The following BRMS1L variants were observed in gnomAD, a reference collection of about 807,000 sequenced individuals.
The protein encoded by BRMS1L is BRMS1 like transcriptional repressor.
A neutral mutation model predicts 50.3 loss-of-function variants in BRMS1L; 23 were observed. That is an observed-to-expected ratio of 0.46 (90% CI 0.33 to 0.65). The LOEUF (loss-of-function observed/expected upper bound fraction) is 0.65. Among genes scored for constraint, BRMS1L ranks in the 30% least tolerant of loss-of-function variants. The pLI, the probability that BRMS1L is intolerant of heterozygous loss-of-function variation, is 0.02. For missense variants in BRMS1L, 286 were observed against 386.1 expected, an observed-to-expected ratio of 0.74 and a Z score of 2.17; for synonymous variants, 114 against 126.9, an observed-to-expected ratio of 0.90 and a Z score of 0.69.
Position 35,826,338 on chromosome 14 carries a change from A to T in BRMS1L, c.-179A>T. 1.1e-6 allele frequency: 1 copy of T among 889,864 alleles called. No homozygotes were observed. The highest frequency in any genetic ancestry group is 1.7e-6 in the Non-Finnish European group (1 of 597,172). The allele number at this position is 889,864 out of a possible 1,614,324, so 55.1% of individuals were successfully genotyped here. On this transcript the variant is annotated 5_prime_UTR_variant, in exon 1 of 10. Coordinates refer to ENST00000216807, the MANE Select transcript of BRMS1L (RefSeq NM_032352.4). ...TCGGTGGAAGGCCTCCGCCAATGGC[A>T]GAGCTCCCATCGCAGAGCCTGCGGG... is the stretch of plus-strand genomic sequence containing the variant.
chr14:35,837,386 A>T (rs1053101138), intron 4 of BRMS1L, among the ~76,000 whole-genome samples: 6 of 152,326 alleles, frequency 3.9e-5, no homozygotes, highest in Non-Finnish European at 7.3e-5. Context: ...TGTATATCAA[A>T]TGCCCATATA....
At chr14:35,844,168 C>A (rs915172160) in intron 4 of BRMS1L, among the ~76,000 whole-genome samples, 1 of 152,164 alleles carries the variant, frequency 6.6e-6, no homozygotes, top group Non-Finnish European at 1.5e-5. Context: ...GGCTCCATGG[C>A]TTCAGCCTCT....
At chr14:35,844,305 G>A (rs915263520) in intron 4 of BRMS1L, among the ~76,000 whole-genome samples, 5 of 152,166 alleles carry the variant, frequency 3.3e-5, no homozygotes, top group African/African-American at 1.2e-4. Context: ...GAAACCCAGG[G>A]CCCTGGTGAC....
chr14:35,831,733 A>G (rs896592239), intron 2 of BRMS1L, among the ~76,000 whole-genome samples: 5 of 152,108 alleles, frequency 3.3e-5, no homozygotes, highest in African/African-American at 4.8e-5. Context: ...CAGCCTGGGC[A>G]ACATCGGAAG....
intron 4 of BRMS1L, among the ~76,000 whole-genome samples, chr14:35,842,466 G>A (rs931511940): frequency 3.9e-5 from 6 of 152,144 alleles, no homozygotes; most frequent in Admixed American, 1.3e-4. Context: ...GAAATTCTGG[G>A]TTGAAAATTC....
intron 1 of BRMS1L, among the ~76,000 whole-genome samples, chr14:35,828,221 G>A (rs2077869953): frequency 6.6e-6 from 1 of 151,990 alleles, no homozygotes; most frequent in African/African-American, 2.4e-5. Context: ...TGCCCAGGCT[G>A]GAGTGTAATG....
intron 4 of BRMS1L, among the ~76,000 whole-genome samples, chr14:35,838,516 C>A (rs1444316654): frequency 6.6e-6 from 1 of 152,150 alleles, no homozygotes; most frequent in African/African-American, 2.4e-5. Context: ...CCTATTTCTC[C>A]ACATCCTCTC....
At chr14:35,827,871 G>T (rs1435294834) in intron 1 of BRMS1L, among the ~76,000 whole-genome samples, 2 of 152,182 alleles carry the variant, frequency 1.3e-5, no homozygotes, top group Non-Finnish European at 2.9e-5. Flanking sequence ...TTGGTTTGGG[G>T]TGGTGGGTAT....
At chr14:35,847,392 C>G (rs1399293022) in intron 4 of BRMS1L, among the ~76,000 whole-genome samples, 2 of 152,110 alleles carry the variant, frequency 1.3e-5, no homozygotes, top group Non-Finnish European at 2.9e-5. Context: ...GCCACAAACT[C>G]GAGCTCAAAT....
chr14:35,828,253 A>G (rs1212754922), intron 1 of BRMS1L, among the ~76,000 whole-genome samples: 1 of 151,868 alleles, frequency 6.6e-6, no homozygotes, highest in Admixed American at 6.6e-5. Flanking sequence ...GCTCACTGCA[A>G]CCTCCGCCTC....
chr14:35,837,031 GCTAT>G (rs201404354), intron 4 of BRMS1L, among the ~76,000 whole-genome samples: 3,442 of 151,690 alleles, frequency 0.023, 128 homozygotes, highest in African/African-American at 0.078. Flanking sequence ...TCATGATTTG[GCTAT>G]CTGTTTGTCA....
Position 35,848,686 on chromosome 14 carries a change from C to A in BRMS1L, c.441+13763C>A, listed in dbSNP as rs369184819. Reference sequence around the variant, plus strand: ...TCTATGAGTTTGATTTTTTTTAGATCCTACATGTAAATGAGATCATATTTA... The same window carrying A: ...TCTATGAGTTTGATTTTTTTTAGATACTACATGTAAATGAGATCATATTTA... On this transcript the variant is annotated intron_variant, in intron 4 of 9. Coordinates refer to ENST00000216807, the MANE Select transcript of BRMS1L (RefSeq NM_032352.4). 1.5e-4 allele frequency among the ~76,000 whole-genome samples: 23 copies of A among 152,232 alleles called. No homozygotes were observed. In the East Asian group the frequency reaches 3.3e-3, roughly 22 times the overall value.
intron 4 of BRMS1L, among the ~76,000 whole-genome samples, chr14:35,860,603 G>A (rs1258210536): frequency 2.0e-5 from 3 of 147,832 alleles, no homozygotes; most frequent in African/African-American, 7.5e-5. Flanking sequence ...AAAAACTATT[G>A]TAGCGTTTTA....
chr14:35,826,793 C>T, intron 1 of BRMS1L, 135 bp downstream of exon 1: 4 of 1,300,802 alleles, frequency 3.1e-6, no homozygotes, highest in Non-Finnish European at 3.1e-6. Context: ...TGGCTCTGGG[C>T]CCTGGGCTGC....
chr14:35,848,380 T>A (rs1022658379), intron 4 of BRMS1L, among the ~76,000 whole-genome samples: 3 of 152,134 alleles, frequency 2.0e-5, no homozygotes, highest in Non-Finnish European at 2.9e-5. Flanking sequence ...AGTCTTTCTC[T>A]GTTGCTATGT....
At chr14:35,868,934 G>A (rs1312335957) in intron 9 of BRMS1L, among the ~76,000 whole-genome samples, 1 of 152,068 alleles carries the variant, frequency 6.6e-6, no homozygotes, top group Admixed American at 6.5e-5. Flanking sequence ...TGAAAATATT[G>A]TTAATCATCT....
intron 4 of BRMS1L, among the ~76,000 whole-genome samples, chr14:35,836,457 C>T (rs1343442879): frequency 6.6e-6 from 1 of 152,090 alleles, no homozygotes; most frequent in Non-Finnish European, 1.5e-5. Flanking sequence ...CCTCCTGCCT[C>T]AGCCTCCTGA....
intron 1 of BRMS1L, among the ~76,000 whole-genome samples, chr14:35,829,151 A>G (rs2077886182): frequency 6.6e-6 from 1 of 152,094 alleles, no homozygotes; most frequent in African/African-American, 2.4e-5. Flanking sequence ...CACGTTGGCC[A>G]GGCTGGTCTT....
At chr14:35,842,090 C>T (rs1007110125) in intron 4 of BRMS1L, among the ~76,000 whole-genome samples, 5 of 149,618 alleles carry the variant, frequency 3.3e-5, no homozygotes, top group Admixed American at 6.8e-5. Flanking sequence ...ACGTGAGATG[C>T]GTCTCCTGAA....
Sources: gnomAD v4.1 joint callset for allele counts (sites outside exome capture counted in the v4.1 genomes callset) on GRCh38, gnomAD v4.1.1 for gene constraint, MANE v1.5 for transcripts, NCBI Gene and HGNC (gene_info 2026-07-23, HGNC 2026-07-21) for gene names.